The following HERC2 variants were observed in gnomAD, a reference collection of about 807,000 sequenced individuals.
HERC2 encodes the protein HECT and RLD domain containing E3 ubiquitin protein ligase 2, also known as E3 ubiquitin-protein ligase HERC2.
In HERC2, 102 loss-of-function variants were observed where a neutral mutation model predicts 537.7. The observed-to-expected ratio is 0.19, with a 90% confidence interval of 0.16 to 0.22. The LOEUF (loss-of-function observed/expected upper bound fraction) is 0.22. Ranked by LOEUF, HERC2 falls within the 10% of genes least tolerant of loss-of-function variation. The pLI, the probability that HERC2 is intolerant of heterozygous loss-of-function variation, is 1.00. For missense variants in HERC2, 4,236 were observed against 6,198.2 expected, an observed-to-expected ratio of 0.68 and a Z score of 10.63; for synonymous variants, 2,224 against 2,466.2, an observed-to-expected ratio of 0.90 and a Z score of 2.91.
intron 23 of HERC2, among the ~76,000 whole-genome samples, chr15:28,242,967 G>GAAAGCTTT (rs1903280115): frequency 1.3e-5 from 2 of 152,150 alleles, no homozygotes; most frequent in African/African-American, 2.4e-5. Flanking sequence ...GTGAAATCTG[G>GAAAGCTTT]AAAGCTTTTT....
At chr15:28,157,764 A>AT (rs1396453336) in intron 69 of HERC2, among the ~76,000 whole-genome samples, 1 of 151,688 alleles carries the variant, frequency 6.6e-6, no homozygotes, top group Non-Finnish European at 1.5e-5. Context: ...GATCTTAGTT[A>AT]TTTTTTGCCT....
intron 8 of HERC2, 45 bp downstream of exon 8, chr15:28,272,849 A>AC: frequency 7.7e-7 from 1 of 1,299,980 alleles, no homozygotes; most frequent in East Asian, 2.3e-5. Flanking sequence ...GTATTTCCAT[A>AC]CACAGGCGCT....
At chr15:28,186,444 G>T in intron 56 of HERC2, 133 bp downstream of exon 56, 1 of 631,020 alleles carries the variant, frequency 1.6e-6, no homozygotes. Context: ...GGAAACAACT[G>T]TAATTTACCA....
rs999868168 is a variant in HERC2, at chr15:28,256,260, T to C, written c.2575A>G (p.Ser859Gly). 6.3e-7 allele frequency: 1 copy of C among 1,598,254 alleles called. No individual in the cohort carries two copies. The highest frequency in any genetic ancestry group is 8.5e-7 in the Non-Finnish European group (1 of 1,179,822). Residue 859 changes from serine to glycine, a missense_variant, in exon 18 of 93, where the codon AGC becomes GGC. By Grantham distance (56) the Ser-to-Gly change is moderately conservative (BLOSUM62 0). Transcript: ENST00000261609. ...DPEFLGLGLG[S>G]ILLNSLKQTV... ...TGCTTCAGGCTGTTCAGGAGGATGCTGCCCAGACCTAAACCAAGGAATTCC... is the reference window on the plus strand; with the variant it reads ...TGCTTCAGGCTGTTCAGGAGGATGCCGCCCAGACCTAAACCAAGGAATTCC...
Position 28,218,560 on chromosome 15 carries a change from T to C in HERC2, c.5957A>G (p.Gln1986Arg), listed in dbSNP as rs1232284505. The change falls in exon 38 of 93, where the codon CAG becomes CGG. Residue 1986 changes from glutamine (Q) to arginine (R), a missense_variant. This residue lies in a region of HERC2 where 365 missense variants were observed against 468.8 expected (regional missense o/e 0.78). Coordinates refer to ENST00000261609, the MANE Select transcript of HERC2 (RefSeq NM_004667.6). ...LSAGVHAEIM[Q>R]SEATKTLCGL... ...GCATAAAGTCTTGGTGGCTTCGCTC[T>C]GCATGATCTCAGCATGAACTCCAGC... is the stretch of plus-strand genomic sequence containing the variant. 1 of 1,598,172 alleles carries C rather than the reference T, an allele frequency of 6.3e-7. No individual in the cohort carries two copies. Among genetic ancestry groups the C allele is most frequent in the Admixed American group, 1.7e-5 (1 of 60,010 alleles).
chr15:28,315,870 T>C (rs1339402679), intron 2 of HERC2: 7 of 502,912 alleles, frequency 1.4e-5, no homozygotes, highest in African/African-American at 7.6e-5. Context: ...TGCCACTGTC[T>C]AGAGCTTGTC....
chr15:28,125,011 C>A lies in HERC2; in HGVS notation c.12985G>T (p.Ala4329Ser), dbSNP rs1185131665. Residue 4329 changes from alanine to serine, a missense_variant, in exon 84 of 93, where the codon GCA becomes TCA. Ala to Ser is a moderately conservative substitution (Grantham distance 99). This residue lies in a region of HERC2 where 189 missense variants were observed against 255.7 expected (regional missense o/e 0.74). Transcript: ENST00000261609. ...CCCAACCTGCCCGGACTCACCTGTG[C>A]AGGGAGTTTGCCAGCACTGGCGGGC... ...SKPASAGKLP[A>S]QVPMEYNHLQ... 2 of 1,599,778 alleles carry A rather than the reference C, an allele frequency of 1.3e-6. No individual in the cohort carries two copies. The highest frequency in any genetic ancestry group is 1.7e-5 in the Admixed American group (1 of 59,814).
At chr15:28,220,206 C>T (rs1036579821) in intron 37 of HERC2, among the ~76,000 whole-genome samples, 3 of 152,200 alleles carry the variant, frequency 2.0e-5, no homozygotes, top group South Asian at 2.1e-4. Context: ...CAAAGAGGGG[C>T]GGGTGCACAC....
chr15:28,137,338 G>A (rs1350607803), intron 78 of HERC2, among the ~76,000 whole-genome samples: 1 of 152,062 alleles, frequency 6.6e-6, no homozygotes, highest in Non-Finnish European at 1.5e-5. Flanking sequence ...CTGTATACAG[G>A]CACACCCCAT....
In HERC2 at chr15:28,272,465, T is replaced by C. The variant is rs141876361; in HGVS notation, c.912-79A>G. 4.6e-4 allele frequency: 594 copies of C among 1,292,598 alleles called. 1 individual carries two copies. The East Asian group carries it at 9.3e-3, about 20-fold the overall frequency. 80.1% of individuals were successfully genotyped at this position (1,292,598 alleles called of 1,614,324 possible). A position where few individuals can be genotyped will look rare whatever the true frequency, so the allele number is the denominator to read the frequency against. On this transcript the variant is annotated intron_variant, in intron 8 of 92. Coordinates refer to ENST00000261609, the MANE Select transcript of HERC2 (RefSeq NM_004667.6). ...ACAGTTGATCAAAAATAAAAGCAAA[T>C]AGCTGGATAGAAGTGAACAAATACT...
At chr15:28,225,334 T>C (rs772253889) in intron 35 of HERC2, among the ~76,000 whole-genome samples, 3 of 151,400 alleles carry the variant, frequency 2.0e-5, no homozygotes, top group African/African-American at 4.9e-5. Context: ...AAATAGAGAA[T>C]AGAAAAATAA....
At chr15:28,214,316 C>T (rs372988719) in intron 40 of HERC2, 44 bp from the exon 41 acceptor site, 2 of 1,519,606 alleles carry the variant, frequency 1.3e-6, no homozygotes, top group Non-Finnish European at 1.8e-6. Flanking sequence ...CGCTCTTCAC[C>T]AGGGCACAGG....
intron 35 of HERC2, among the ~76,000 whole-genome samples, chr15:28,223,628 G>C (rs1900762296): frequency 6.6e-6 from 1 of 152,122 alleles, no homozygotes. Flanking sequence ...GTATTGCTAA[G>C]GACTTGAATA....
Position 28,172,503 on chromosome 15 carries a change from CA to C in HERC2, c.10057+1891del, listed in dbSNP as rs540898015. On this transcript the variant is annotated intron_variant, in intron 65 of 92. Coordinates refer to ENST00000261609, the MANE Select transcript of HERC2 (RefSeq NM_004667.6). ...ATAGACAACTGAATTCTCACAAAGG[CA>C]AAAGGCAATTCAGTAGGAAAAGCGT... Among the ~76,000 whole-genome samples the C allele has an allele frequency of 1.3e-3, 198 of 152,236 alleles. 1 individual carries two copies. The highest frequency in any genetic ancestry group is 4.5e-3 in the African/African-American group (187 of 41,542).
In HERC2 at chr15:28,229,269, C is replaced by G; in HGVS notation, c.5198G>C (p.Gly1733Ala). 1 of 1,613,592 alleles carries G rather than the reference C, an allele frequency of 6.2e-7. No homozygotes were observed. Among genetic ancestry groups the G allele is most frequent in the East Asian group, 2.2e-5 (1 of 44,878 alleles). ...CTGTACAGCCCAAGCGTACAGCTTG[C>G]CAAAGGTGACTTCCAGCAGCATCCG... is the stretch of plus-strand genomic sequence containing the variant. Reference protein sequence around the residue: ...FNRMLLEVTFGKLYAWAVQNI... With the variant: ...FNRMLLEVTFAKLYAWAVQNI... Residue 1733 changes from glycine (G) to alanine (A), a missense_variant, in exon 34 of 93, where the codon GGC (glycine) becomes GCC (alanine). Transcript: ENST00000261609.
intron 52 of HERC2, 42 bp from the exon 53 acceptor site, chr15:28,192,193 C>G: frequency 6.6e-7 from 1 of 1,515,274 alleles, no homozygotes; most frequent in African/African-American, 1.4e-5. Flanking sequence ...CCTTGCTGAA[C>G]TGGGGAGAAA....
At chr15:28,224,486 T>C (rs908556101) in intron 35 of HERC2, among the ~76,000 whole-genome samples, 9 of 152,218 alleles carry the variant, frequency 5.9e-5, no homozygotes, top group African/African-American at 9.6e-5. Flanking sequence ...CCGCCCAAAG[T>C]GCTAGGATTA....
In HERC2 at chr15:28,152,835, A is replaced by C; in HGVS notation, c.10747-5T>G. On this transcript the variant is annotated splice_polypyrimidine_tract_variant and splice_region_variant and intron_variant, in intron 69 of 92. Transcript: ENST00000261609. The stretch of plus-strand genomic sequence containing the variant: ...CTCCAACAGCATATCTGCCACCTGG[A>C]GAGGAAGCAAGGACATGAATGAGGG... 6.4e-7 allele frequency: 1 copy of C among 1,560,720 alleles called. No homozygotes were observed. The highest frequency in any genetic ancestry group is 1.2e-5 in the South Asian group (1 of 84,720).
At chr15:28,295,134 C>T (rs1385604081) in intron 3 of HERC2, among the ~76,000 whole-genome samples, 1 of 152,114 alleles carries the variant, frequency 6.6e-6, no homozygotes, top group East Asian at 1.9e-4. Context: ...AACAAAGACA[C>T]AGACCAAGAG....
Sources: gnomAD v4.1 joint callset for allele counts (sites outside exome capture counted in the v4.1 genomes callset) on GRCh38, gnomAD v4.1.1 for gene constraint, gnomAD v4.1.1 regional missense constraint, MANE v1.5 for transcripts, NCBI Gene and HGNC (gene_info 2026-07-23, HGNC 2026-07-21) for gene names.